Variants in SLC4A8 observed in about 807,000 individuals in gnomAD.
SLC4A8 encodes solute carrier family 4 member 8.
In SLC4A8, 40 loss-of-function variants were observed where a neutral mutation model predicts 125.0. That is an observed-to-expected ratio of 0.32 (90% CI 0.25 to 0.42). The LOEUF (loss-of-function observed/expected upper bound fraction) is 0.42. Ranked by LOEUF, SLC4A8 falls within the 10% of genes least tolerant of loss-of-function variation. The pLI is 1.00. For synonymous variants in SLC4A8, 456 were observed against 476.0 expected (o/e 0.96, Z 0.55); for missense variants, 863 against 1,355.1 (o/e 0.64, Z 5.70).
rs945038303 is a variant in SLC4A8 at position 51,508,596 on chromosome 12, C to G, written c.*1158C>G. 2 of 152,626 alleles carry G rather than the reference C, an allele frequency of 1.3e-5. No homozygotes were observed. The highest frequency in any genetic ancestry group is 4.8e-5 in the African/African-American group (2 of 41,442). The allele number at this position is 152,626 out of a possible 1,614,324, so 9.5% of individuals were successfully genotyped here. A position where few individuals can be genotyped will look rare whatever the true frequency, so the allele number is the denominator to read the frequency against. On this transcript the variant is annotated 3_prime_UTR_variant, in exon 25 of 25. Transcript: ENST00000453097. ...GGATTTCTTTTGGTTGACAAACATT[C>G]TGGCTCTCAGATGCAAAAAGTCACA... is the stretch of plus-strand genomic sequence containing the variant.
In SLC4A8 at chr12:51,485,890, G is replaced by A. The variant is rs1951151747; in HGVS notation, c.2276G>A (p.Ser759Asn). ...GVPSPKLQVP[S>N]VFKPTRDDRG... ...CCATCACCAAAGCTTCAAGTTCCCA[G>A]TGTGTTCAAGGTAAACAGATCTCAG... is the stretch of plus-strand genomic sequence containing the variant. Residue 759 changes from serine to asparagine, a missense_variant, in exon 17 of 25, where the codon AGT becomes AAT. Ser to Asn is a conservative substitution (Grantham distance 46). Around this residue, in one of 6 missense-constraint regions of SLC4A8, gnomAD observed 197 missense variants for 377.7 expected, o/e 0.52. Transcript: ENST00000453097. 2 of 1,583,820 alleles carry A rather than the reference G, an allele frequency of 1.3e-6. No homozygotes were observed. Among genetic ancestry groups the A allele is most frequent in the African/African-American group, 2.7e-5 (2 of 74,402 alleles).
At chr12:51,497,396 A>T (rs1230740085) in intron 22 of SLC4A8, 1 of 319,414 alleles carries the variant, frequency 3.1e-6, no homozygotes. Flanking sequence ...GTATGCCCTT[A>T]TTAGCAGATT....
intron 1 of SLC4A8, among the ~76,000 whole-genome samples, chr12:51,419,239 C>G (rs1273679892): frequency 6.6e-6 from 1 of 152,206 alleles, no homozygotes; most frequent in East Asian, 1.9e-4. Flanking sequence ...TGTACATTTA[C>G]CAATCCATTG....
chr12:51,425,104 CCTT>C (rs1948922097), intron 1 of SLC4A8, 69 bp downstream of exon 1: 1 of 1,511,574 alleles, frequency 6.6e-7, no homozygotes, highest in African/African-American at 1.4e-5. Context: ...TGCCCACCCT[CCTT>C]CCTTCTGCCC....
In SLC4A8 at chr12:51,488,795, A is replaced by G. The variant is rs138940118; in HGVS notation, c.2383A>G (p.Ile795Val). 6 of 1,613,706 alleles carry G rather than the reference A, an allele frequency of 3.7e-6. No homozygotes were observed. Among genetic ancestry groups the G allele is most frequent in the Admixed American group, 3.3e-5 (2 of 60,020 alleles). ...AAIIPALLCT[I>V]LIFMDQQITA... Reference sequence around the variant, plus strand: ...AATTATCCCAGCTCTTCTCTGTACTATCTTGATATTCATGGATCAGCAGAT... The same window carrying G: ...AATTATCCCAGCTCTTCTCTGTACTGTCTTGATATTCATGGATCAGCAGAT... Residue 795 changes from isoleucine (I) to valine (V), a missense_variant, in exon 18 of 25, where the codon ATC (isoleucine) becomes GTC (valine). Ile to Val is a conservative substitution (Grantham distance 29). Coordinates refer to ENST00000453097, the MANE Select transcript of SLC4A8 (RefSeq NM_001039960.3).
At chr12:51,452,081 G>C (rs1342776811) in intron 3 of SLC4A8, 43 bp from the exon 4 acceptor site, 18 of 1,603,164 alleles carry the variant, frequency 1.1e-5, no homozygotes, top group Non-Finnish European at 1.5e-5. Flanking sequence ...TCTGTTCTAA[G>C]TGTGAGGCTA....
chr12:51,495,303 C>G (rs56238500), intron 21 of SLC4A8, among the ~76,000 whole-genome samples, 185 bp downstream of exon 21: 1 of 152,114 alleles, frequency 6.6e-6, no homozygotes, highest in Non-Finnish European at 1.5e-5. Context: ...AGCTGAAACT[C>G]TGCACCTATT....
At chr12:51,484,206 G>A (rs1314694256) in intron 16 of SLC4A8, among the ~76,000 whole-genome samples, 4 of 152,114 alleles carry the variant, frequency 2.6e-5, no homozygotes, top group African/African-American at 4.8e-5. Flanking sequence ...TGGCAGTCAC[G>A]GGAGGTACAT....
At chr12:51,447,569 G>A (rs1949811910) in intron 2 of SLC4A8, among the ~76,000 whole-genome samples, 1 of 152,120 alleles carries the variant, frequency 6.6e-6, no homozygotes, top group Non-Finnish European at 1.5e-5. Flanking sequence ...AGAGTATGAG[G>A]TGATGGTGGG....
At chr12:51,484,255 A>G (rs745731560) in intron 16 of SLC4A8, among the ~76,000 whole-genome samples, 4 of 152,214 alleles carry the variant, frequency 2.6e-5, no homozygotes, top group Non-Finnish European at 4.4e-5. Context: ...TGCTAGGACA[A>G]ATAGTTAACA....
chr12:51,469,264 A>G (rs1950620205), intron 11 of SLC4A8: 1 of 171,436 alleles, frequency 5.8e-6, no homozygotes, highest in Non-Finnish European at 1.2e-5. Flanking sequence ...AGTAATTTTA[A>G]TACCTTAAGT....
intron 19 of SLC4A8, 131 bp downstream of exon 19, chr12:51,490,082 A>G: frequency 2.5e-6 from 2 of 793,686 alleles, no homozygotes; most frequent in Non-Finnish European, 2.0e-6. Context: ...AGTTTATTCT[A>G]GAGGGATAAG....
intron 17 of SLC4A8, among the ~76,000 whole-genome samples, chr12:51,487,182 C>T (rs548278846): frequency 6.6e-6 from 1 of 152,280 alleles, no homozygotes; most frequent in Admixed American, 6.5e-5. Context: ...AAATGTTGCT[C>T]ATGACAGGCT....
intron 3 of SLC4A8, 115 bp from the exon 4 acceptor site, chr12:51,452,009 C>A: frequency 2.1e-5 from 19 of 922,990 alleles, no homozygotes; most frequent in East Asian, 7.8e-5. Flanking sequence ...AAATCTTTTT[C>A]TTCTGCATTC....
chr12:51,464,164 G>A (rs1345910425), intron 11 of SLC4A8, among the ~76,000 whole-genome samples: 1 of 152,056 alleles, frequency 6.6e-6, no homozygotes, highest in Non-Finnish European at 1.5e-5. Flanking sequence ...CATTATTATT[G>A]GTTGATCTAT....
intron 12 of SLC4A8, 72 bp downstream of exon 12, chr12:51,469,860 G>A (rs561021553): frequency 6.3e-5 from 87 of 1,381,036 alleles, no homozygotes; most frequent in African/African-American, 3.3e-4. Flanking sequence ...CAGGTCCACT[G>A]TGGGGGAAAT....
At chr12:51,417,181 CTT>C (rs1193378377) in intron 1 of SLC4A8, among the ~76,000 whole-genome samples, 12 of 152,092 alleles carry the variant, frequency 7.9e-5, no homozygotes, top group African/African-American at 2.2e-4. Context: ...TGGTGTAAGT[CTT>C]TTCATTTTTT....
intron 20 of SLC4A8, chr12:51,494,339 A>G (rs1951403600): frequency 1.3e-5 from 2 of 152,722 alleles, no homozygotes. Flanking sequence ...TAACTTGGGT[A>G]TTCCAGATAA....
At chr12:51,412,755 G>A (rs529509443) in intron 1 of SLC4A8, among the ~76,000 whole-genome samples, 1 of 152,330 alleles carries the variant, frequency 6.6e-6, no homozygotes, top group African/African-American at 2.4e-5. Context: ...GTGAACAATA[G>A]AAATTCATTC....
Sources: allele counts gnomAD v4.1 joint callset (sites outside exome capture counted in the v4.1 genomes callset), GRCh38; gene constraint gnomAD v4.1.1; regional missense constraint gnomAD v4.1.1; transcripts MANE v1.5; gene names NCBI Gene and HGNC (gene_info 2026-07-23, HGNC 2026-07-21).